Variants in SPTB observed in about 807,000 individuals in gnomAD.
The protein encoded by SPTB is spectrin beta chain, erythrocytic.
SPTB carries 45 observed loss-of-function variants against 256.2 expected under a neutral mutation model. That is an observed-to-expected ratio of 0.18 (90% confidence interval 0.14 to 0.23). The LOEUF (loss-of-function observed/expected upper bound fraction) is 0.23. Ranked by LOEUF, SPTB falls within the 10% of genes least tolerant of loss-of-function variation. The pLI is 1.00. For missense variants in SPTB, 2,715 were observed against 3,040.4 expected (o/e 0.89, Z 2.52); for synonymous variants, 1,231 against 1,243.1 (o/e 0.99, Z 0.21).
rs1051726070 is a variant in SPTB at position 64,873,809 on chromosome 14, A to T, written c.-52+5983T>A. Among the ~76,000 whole-genome samples, 5 of 152,218 alleles carry T rather than the reference A, an allele frequency of 3.3e-5. No individual in the cohort carries two copies. The highest frequency in any genetic ancestry group is 6.5e-5 in the Admixed American group (1 of 15,280). On this transcript the variant is annotated intron_variant, in intron 1 of 35. Transcript: ENST00000644917. This position sits in a 1 kb window ranked among gnomAD's most constrained non-coding sequence, Gnocchi z 4.3. The stretch of plus-strand genomic sequence containing the variant: ...GTCAGGTTTTGGAATAAACTACTAG[A>T]GGGACATTGAGTATATAAATGTACA...
chr14:64,835,074 T>C (rs423927), intron 1 of SPTB, among the ~76,000 whole-genome samples: 36,765 of 152,092 alleles, frequency 0.24, 6,164 homozygotes, highest in African/African-American at 0.47. Flanking sequence ...TAAAAGTTGC[T>C]TGGGCCCACA....
rs1293517484 is a variant in SPTB at position 64,778,636 on chromosome 14, G to A, written c.4563+521C>T. Among the ~76,000 whole-genome samples, 1 of 152,138 alleles carries A rather than the reference G, an allele frequency of 6.6e-6. No homozygotes were observed. The highest frequency in any genetic ancestry group is 1.5e-5 in the Non-Finnish European group (1 of 68,024). ...AAGCAGAGGGATGTTTGCTCCAAGG[G>A]CTCAGAGTCCAAAGTTAGTGGCTTC... On this transcript the variant is annotated intron_variant, in intron 22 of 35. Coordinates refer to ENST00000644917, the MANE Select transcript of SPTB (RefSeq NM_001355436.2). This position sits in a 1 kb window ranked among gnomAD's most constrained non-coding sequence, Gnocchi z 5.2.
At position 64,786,614 on chromosome 14, in the gene SPTB, G is replaced by A. The variant is rs1182150046; in HGVS notation, c.3351C>T (p.Tyr1117=). 9 of 1,614,074 alleles carry A rather than the reference G, an allele frequency of 5.6e-6. No individual in the cohort carries two copies. The highest frequency in any genetic ancestry group is 7.6e-6 in the Non-Finnish European group (9 of 1,180,040). ...KDEIDGHQDS[Y]QRVKESGEKV... ...TCTCCCCAGACTCCTTAACACGCTG[G>A]TAGCTGTCTTGGTGCCCGTCAATCT... is the stretch of plus-strand genomic sequence containing the variant. The change falls in exon 16 of 36, where the codon TAC becomes TAT. Residue 1117 remains tyrosine, a synonymous_variant. Coordinates refer to ENST00000644917, the MANE Select transcript of SPTB (RefSeq NM_001355436.2). The surrounding 1 kb of genome is among the most constrained non-coding windows in gnomAD (Gnocchi z 5.6).
rs555188464 is a variant in SPTB, at chr14:64,844,768, T to C, written c.-51-21623A>G. The stretch of plus-strand genomic sequence containing the variant: ...ATTCTCCCCAACTCCCTATCCCATT[T>C]CTACTAAAAATAGCCCAACATTTCC... On this transcript the variant is annotated intron_variant, in intron 1 of 35. Coordinates refer to ENST00000644917, the MANE Select transcript of SPTB (RefSeq NM_001355436.2). This position sits in a 1 kb window ranked among gnomAD's most constrained non-coding sequence, Gnocchi z 4.1. 2.6e-5 allele frequency among the ~76,000 whole-genome samples: 4 copies of C among 152,344 alleles called. No homozygotes were observed. The highest frequency in any genetic ancestry group is 9.6e-5 in the African/African-American group (4 of 41,580).
intron 2 of SPTB, among the ~76,000 whole-genome samples, chr14:64,820,291 G>A (rs2083265018): frequency 1.3e-5 from 2 of 152,144 alleles, no homozygotes; most frequent in African/African-American, 2.4e-5. Context: ...AAGTCAAGAC[G>A]TTGAGACTAG....
chr14:64,810,471 G>A (rs1052800568), intron 2 of SPTB, among the ~76,000 whole-genome samples: 15 of 152,210 alleles, frequency 9.9e-5, no homozygotes, highest in African/African-American at 3.6e-4. Context: ...CTTTGGGTCA[G>A]GAGTTCGAGA....
chr14:64,843,857 T>A (rs1022293335), intron 1 of SPTB, among the ~76,000 whole-genome samples: 2 of 152,058 alleles, frequency 1.3e-5, no homozygotes, highest in African/African-American at 4.8e-5. Flanking sequence ...CAATGCAGAA[T>A]TTACCCATTC....
rs1015063542 is a variant in SPTB, at chr14:64,780,037, C to A, written c.4267-106G>T. On this transcript the variant is annotated intron_variant, in intron 20 of 35. Coordinates refer to ENST00000644917, the MANE Select transcript of SPTB (RefSeq NM_001355436.2). ...CCCATCCTTTAAGGCCCAATTTGAG[C>A]TCAACTTCCTCCAAGGAGTCTCCTT... 8.3e-6 allele frequency: 8 copies of A among 968,838 alleles called. No individual in the cohort carries two copies. The African/African-American group carries it at 9.7e-5, about 12-fold the overall frequency. 60.0% of individuals were successfully genotyped at this position (968,838 alleles called of 1,614,324 possible).
At chr14:64,808,027 T>C (rs529542868) in intron 2 of SPTB, among the ~76,000 whole-genome samples, 1 of 152,350 alleles carries the variant, frequency 6.6e-6, no homozygotes, top group Admixed American at 6.5e-5. Flanking sequence ...GTTCCTCTTT[T>C]CTTTTCAACG....
In SPTB at chr14:64,795,477, G is replaced by T. The variant is rs755636829; in HGVS notation, c.1504C>A (p.Arg502Ser). ...CATAGGCGCAGTATATTGTCCTTGC[G>T]GGCCGTGATGCGCTTCTGGTCATGG... Reference protein sequence around the residue: ...NYHDQKRITARKDNILRLWSY... With the variant: ...NYHDQKRITASKDNILRLWSY... The change falls in exon 12 of 36, where the codon CGC becomes AGC. Residue 502 changes from arginine (R) to serine (S), a missense_variant. Transcript: ENST00000644917. This position sits in a 1 kb window ranked among gnomAD's most constrained non-coding sequence, Gnocchi z 6.5. The T allele has an allele frequency of 6.2e-7, 1 of 1,614,040 alleles. No homozygotes were observed. Among genetic ancestry groups the T allele is most frequent in the Non-Finnish European group, 8.5e-7 (1 of 1,180,020 alleles).
Position 64,749,281 on chromosome 14 carries a change from C to T in SPTB, c.*25G>A. Reference sequence around the variant, plus strand: ...TGCCCGGTCTCTGCGCGTCCCGACTCCGCCGCGCCCGCCAGCCCCACCTGC... The same window carrying T: ...TGCCCGGTCTCTGCGCGTCCCGACTTCGCCGCGCCCGCCAGCCCCACCTGC... On this transcript the variant is annotated 3_prime_UTR_variant, in exon 36 of 36. Coordinates refer to ENST00000644917, the MANE Select transcript of SPTB (RefSeq NM_001355436.2). This position sits in a 1 kb window ranked among gnomAD's most constrained non-coding sequence, Gnocchi z 4.7. The T allele has an allele frequency of 6.4e-6, 10 of 1,557,094 alleles. No homozygotes were observed. The highest frequency in any genetic ancestry group is 8.6e-6 in the Non-Finnish European group (10 of 1,156,266).
intron 29 of SPTB, chr14:64,768,303 G>A: frequency 3.8e-6 from 1 of 260,138 alleles, no homozygotes; most frequent in South Asian, 5.0e-5. Context: ...GCCTCCCAAA[G>A]TGCTGGGATT....
Position 64,753,655 on chromosome 14 carries a change from C to T in SPTB, c.6484G>A (p.Glu2162Lys), listed in dbSNP as rs375816870. The T allele has an allele frequency of 1.7e-4, 274 of 1,613,720 alleles. 4 individuals carry two copies. Among genetic ancestry groups the T allele is most frequent in the East Asian group, 1.1e-3 (48 of 44,882 alleles). The part of the protein sequence containing the change: ...LFKVLDTPLS[E>K]GDEPATLPAP... ...GGCAGCGTTGCGGGCTCATCACCCTCGCTCAGAGGCGTATCTAGGACCTTA... is the reference window on the plus strand; with the variant it reads ...GGCAGCGTTGCGGGCTCATCACCCTTGCTCAGAGGCGTATCTAGGACCTTA... Residue 2162 changes from glutamate (E) to lysine (K), a missense_variant, in exon 33 of 36, where the codon GAG becomes AAG. By Grantham distance (56) the Glu-to-Lys change is moderately conservative. This residue lies in a region of SPTB where 2,239 missense variants were observed against 2,384.4 expected (regional missense o/e 0.94). Transcript: ENST00000644917.
Position 64,802,140 on chromosome 14 carries a change from G to A in SPTB, c.566+86C>T, listed in dbSNP as rs1372262091. On this transcript the variant is annotated intron_variant, in intron 5 of 35. Transcript: ENST00000644917. This position sits in a 1 kb window ranked among gnomAD's most constrained non-coding sequence, Gnocchi z 5.1. ...GGCAGCTGTAGTTCTGGGTGATGAT[G>A]TCTAATGTCCCTCTGGAGATGGCAG... The A allele has an allele frequency of 3.1e-6, 4 of 1,277,008 alleles. No individual in the cohort carries two copies. The African/African-American group carries it at 4.4e-5, about 14-fold the overall frequency. The allele number at this position is 1,277,008 out of a possible 1,614,324, so 79.1% of individuals were successfully genotyped here. A position where few individuals can be genotyped will look rare whatever the true frequency, so the allele number is the denominator to read the frequency against.
rs376789095 is a variant in SPTB at position 64,775,231 on chromosome 14, C to T, written c.4736G>A (p.Arg1579Gln). The T allele has an allele frequency of 6.9e-5, 112 of 1,613,660 alleles. No individual in the cohort carries two copies. The highest frequency in any genetic ancestry group is 1.5e-4 in the Admixed American group (9 of 60,008). ...CTGTGCCTCGTTGGCGTCCCTCAGT[C>T]GCTGCAGCCTCCCGGCCGCTGCCTC... ...LREAAAGRLQ[R>Q]LRDANEAQQY... The change falls in exon 23 of 36, where the codon CGA (arginine) becomes CAA (glutamine). Residue 1579 changes from arginine to glutamine, a missense_variant. Physicochemically the swap from Arg to Gln is conservative, Grantham distance 43 (BLOSUM62 1). Around this residue, in one of 4 missense-constraint regions of SPTB, gnomAD observed 2,239 missense variants for 2,384.4 expected, o/e 0.94. Coordinates refer to ENST00000644917, the MANE Select transcript of SPTB (RefSeq NM_001355436.2). This position sits in a 1 kb window ranked among gnomAD's most constrained non-coding sequence, Gnocchi z 5.0.
chr14:64,795,708 A>G lies in SPTB; in HGVS notation c.1342-69T>C, dbSNP rs2082756641. 2.7e-6 allele frequency: 4 copies of G among 1,507,542 alleles called. No individual in the cohort carries two copies. Among genetic ancestry groups the G allele is most frequent in the Admixed American group, 3.4e-5 (2 of 59,074 alleles). The allele number at this position is 1,507,542 out of a possible 1,614,324, so 93.4% of individuals were successfully genotyped here. A position where few individuals can be genotyped will look rare whatever the true frequency, so the allele number is the denominator to read the frequency against. ...GGGGCTCATCCCCAAACTCAGGGACAGGGCAGCTCCCTTCAGAACCAGTGC... is the reference window on the plus strand; with the variant it reads ...GGGGCTCATCCCCAAACTCAGGGACGGGGCAGCTCCCTTCAGAACCAGTGC... On this transcript the variant is annotated intron_variant, in intron 11 of 35. Coordinates refer to ENST00000644917, the MANE Select transcript of SPTB (RefSeq NM_001355436.2). The surrounding 1 kb of genome is among the most constrained non-coding windows in gnomAD (Gnocchi z 6.5).
Position 64,795,706 on chromosome 14 carries a change from A to AG in SPTB, c.1342-68_1342-67insC. On this transcript the variant is annotated intron_variant, in intron 11 of 35. Transcript: ENST00000644917. The surrounding 1 kb of genome is among the most constrained non-coding windows in gnomAD (Gnocchi z 6.5). ...CAGGGGCTCATCCCCAAACTCAGGGACAGGGCAGCTCCCTTCAGAACCAGT... is the reference window on the plus strand; with the variant it reads ...CAGGGGCTCATCCCCAAACTCAGGGAGCAGGGCAGCTCCCTTCAGAACCAGT... The AG allele has an allele frequency of 6.5e-7, 1 of 1,535,724 alleles. No homozygotes were observed. Among genetic ancestry groups the AG allele is most frequent in the Non-Finnish European group, 9.0e-7 (1 of 1,113,056 alleles).
At position 64,794,448 on chromosome 14, in the gene SPTB, G is replaced by A. The variant is rs902009264; in HGVS notation, c.1795+19C>T. ...TCTGGCATTGGAAGCCTCAAAAGGG[G>A]AGACAGACTTGGTCTCACCTTTCCC... is the stretch of plus-strand genomic sequence containing the variant. On this transcript the variant is annotated intron_variant, in intron 13 of 35. Transcript: ENST00000644917. 5.0e-6 allele frequency: 8 copies of A among 1,614,136 alleles called. No homozygotes were observed. The highest frequency in any genetic ancestry group is 6.8e-6 in the Non-Finnish European group (8 of 1,180,020).
At chr14:64,812,701 G>A (rs566562348) in intron 2 of SPTB, among the ~76,000 whole-genome samples, 10 of 152,064 alleles carry the variant, frequency 6.6e-5, no homozygotes, top group Middle Eastern at 3.4e-3. Context: ...CTGACGTCAC[G>A]GGCATCTGGG....
Sources: allele counts gnomAD v4.1 joint callset (sites outside exome capture counted in the v4.1 genomes callset), GRCh38; gene constraint gnomAD v4.1.1; regional missense constraint gnomAD v4.1.1; non-coding constraint Gnocchi (gnomAD v3.1); transcripts MANE v1.5; gene names NCBI Gene and HGNC (gene_info 2026-07-23, HGNC 2026-07-21).